GLRA3: variants seen among roughly 807,000 people sequenced by gnomAD.
The protein encoded by GLRA3 is glycine receptor alpha 3.
GLRA3 carries 44 observed loss-of-function variants against 60.4 expected under a neutral mutation model. The ratio of observed to expected loss-of-function variants is 0.73; its 90% CI spans 0.57 to 0.94. The LOEUF is 0.94. GLRA3 is among the 40% of genes least tolerant of loss of function. The pLI is 0.00. For synonymous variants in GLRA3, 223 were observed against 192.9 expected (o/e 1.16, Z -1.29); for missense variants, 508 against 564.6 (o/e 0.90, Z 1.02).
At chr4:174,688,667 G>T (rs1734654560) in intron 5 of GLRA3, among the ~76,000 whole-genome samples, 2 of 150,570 alleles carry the variant, frequency 1.3e-5, no homozygotes, top group Non-Finnish European at 3.0e-5. Flanking sequence ...GAAGATGCAG[G>T]TGTTGAGCCT....
Position 174,728,691 on chromosome 4 carries a change from C to T in GLRA3, c.275G>A (p.Arg92Lys), listed in dbSNP as rs531222242. 21 of 1,544,294 alleles carry T rather than the reference C, an allele frequency of 1.4e-5. No individual in the cohort carries two copies. The highest frequency in any genetic ancestry group is 2.3e-5 in the South Asian group (2 of 85,346). The change falls in exon 4 of 10, where the codon AGA becomes AAA. Residue 92 changes from arginine (R) to lysine (K), a missense_variant. By Grantham distance (26) the Arg-to-Lys change is conservative (BLOSUM62 2). Coordinates refer to ENST00000274093, the MANE Select transcript of GLRA3 (RefSeq NM_006529.4). ...GSIAETTMDY[R>K]VNIFLRQKWN... ...TTTCTGACGAAGAAAGATATTCACT[C>T]TGTAATCCTATGATAAAATAATGAA...
chr4:174,748,236 G>C (rs1737326753), intron 3 of GLRA3, among the ~76,000 whole-genome samples: 1 of 152,170 alleles, frequency 6.6e-6, no homozygotes, highest in South Asian at 2.1e-4. Flanking sequence ...AAGTAAGACA[G>C]TTTTCAAGAG....
intron 1 of GLRA3, among the ~76,000 whole-genome samples, chr4:174,818,635 C>T (rs1037056969): frequency 1.3e-5 from 2 of 152,118 alleles, no homozygotes; most frequent in Non-Finnish European, 2.9e-5. Flanking sequence ...ATTTTAGAAT[C>T]TTTTCAACTG....
intron 8 of GLRA3, 34 bp from the exon 9 acceptor site, chr4:174,656,821 A>G (rs995676169): frequency 6.5e-6 from 8 of 1,229,532 alleles, no homozygotes; most frequent in East Asian, 2.3e-5. Flanking sequence ...AGAGGAATTG[A>G]GAAACCAGAG....
At chr4:174,762,340 A>G (rs1413035739) in intron 3 of GLRA3, among the ~76,000 whole-genome samples, 1 of 152,014 alleles carries the variant, frequency 6.6e-6, no homozygotes, top group African/African-American at 2.4e-5. Context: ...AGTTTTTCTT[A>G]AAAGTTTGAC....
chr4:174,742,579 C>T (rs1737068817), intron 3 of GLRA3, among the ~76,000 whole-genome samples: 1 of 152,116 alleles, frequency 6.6e-6, no homozygotes, highest in South Asian at 2.1e-4. Flanking sequence ...TCTCTCTCTC[C>T]TTTGTTTCTG....
At chr4:174,757,197 CA>C (rs1284916830) in intron 3 of GLRA3, among the ~76,000 whole-genome samples, 1 of 152,054 alleles carries the variant, frequency 6.6e-6, no homozygotes, top group African/African-American at 2.4e-5. Flanking sequence ...GAGAATATGT[CA>C]ATATTGCAAA....
At chr4:174,794,964 T>C (rs1213249005) in intron 1 of GLRA3, among the ~76,000 whole-genome samples, 5 of 151,790 alleles carry the variant, frequency 3.3e-5, no homozygotes, top group Admixed American at 6.6e-5. Context: ...GTTATTGACA[T>C]GTTCCAAAGA....
chr4:174,664,092 T>C (rs1331877938), intron 7 of GLRA3, among the ~76,000 whole-genome samples: 1 of 152,214 alleles, frequency 6.6e-6, no homozygotes, highest in Non-Finnish European at 1.5e-5. Flanking sequence ...CCATGGCTTC[T>C]GTGACCTGTG....
At position 174,643,262 on chromosome 4, in the gene GLRA3, CAT is replaced by C. The variant is rs36188497; in HGVS notation, c.*522_*523del. ...TCTTATTTAAAAATTTTCAAAATTA[CAT>C]ATGTTGTTTAAATAGTATTTATATG... On this transcript the variant is annotated 3_prime_UTR_variant, in exon 10 of 10. Coordinates refer to ENST00000274093, the MANE Select transcript of GLRA3 (RefSeq NM_006529.4). The C allele has an allele frequency of 0.13, 85,469 of 647,586 alleles. 6,592 individuals carry two copies. The highest frequency in any genetic ancestry group is 0.37 in the East Asian group (2,621 of 7,076). The allele number at this position is 647,586 out of a possible 1,614,324, so 40.1% of individuals were successfully genotyped here.
intron 3 of GLRA3, among the ~76,000 whole-genome samples, chr4:174,730,464 T>G (rs1736509902): frequency 6.6e-6 from 1 of 152,220 alleles, no homozygotes. Context: ...TTTGTACTGA[T>G]TTATAAGATA....
chr4:174,748,005 C>T (rs1292496337), intron 3 of GLRA3, among the ~76,000 whole-genome samples: 1 of 151,800 alleles, frequency 6.6e-6, no homozygotes, highest in African/African-American at 2.4e-5. Context: ...TGGGCTATAG[C>T]TATTGACTGG....
At chr4:174,672,020 G>T (rs1307910212) in intron 7 of GLRA3, among the ~76,000 whole-genome samples, 2 of 152,110 alleles carry the variant, frequency 1.3e-5, no homozygotes, top group East Asian at 3.9e-4. Flanking sequence ...ATTGAGAAAG[G>T]TAAAAGGTTC....
Position 174,761,029 on chromosome 4 carries a change from A to G in GLRA3, c.267+5934T>C, listed in dbSNP as rs74853794. Among the ~76,000 whole-genome samples, 225 of 152,280 alleles carry G rather than the reference A, an allele frequency of 1.5e-3. 6 individuals are homozygous for G. The East Asian group carries it at 0.028, about 19-fold the overall frequency. On this transcript the variant is annotated intron_variant, in intron 3 of 9. Transcript: ENST00000274093. ...TTTCATACATACAGAATGAACATTT[A>G]TATCTTAATATCAAACTCAGGAATA...
In GLRA3 at chr4:174,778,796, C is replaced by T. The variant is rs549837481; in HGVS notation, c.199+10020G>A. Among the ~76,000 whole-genome samples the T allele has an allele frequency of 4.6e-5, 7 of 152,282 alleles. No individual in the cohort carries two copies. In the South Asian group the frequency reaches 8.3e-4, roughly 18 times the overall value. ...AAAAACGGCGCACCACGAGGTTATA[C>T]CCCGCACCTGGCTTGGAGGGTCCTA... On this transcript the variant is annotated intron_variant, in intron 2 of 9. Transcript: ENST00000274093.
intron 5 of GLRA3, among the ~76,000 whole-genome samples, chr4:174,691,582 C>G (rs931916280): frequency 6.6e-6 from 1 of 152,192 alleles, no homozygotes; most frequent in Non-Finnish European, 1.5e-5. Flanking sequence ...TTGGTGGAGA[C>G]GGGGTTTCGC....
At chr4:174,669,161 A>C (rs1733805140) in intron 7 of GLRA3, among the ~76,000 whole-genome samples, 1 of 151,986 alleles carries the variant, frequency 6.6e-6, no homozygotes, top group African/African-American at 2.4e-5. Flanking sequence ...TTAATCCTAC[A>C]TTTCTCCTTA....
rs1230241226 is a variant in GLRA3 at position 174,637,338 on chromosome 4, T to C, written c.*6448A>G. 1.3e-5 allele frequency: 2 copies of C among 152,148 alleles called. No individual in the cohort carries two copies. Among genetic ancestry groups the C allele is most frequent in the Admixed American group, 6.6e-5 (1 of 15,264 alleles). The allele number at this position is 152,148 out of a possible 1,614,324, so 9.4% of individuals were successfully genotyped here. A position where few individuals can be genotyped will look rare whatever the true frequency, so the allele number is the denominator to read the frequency against. On this transcript the variant is annotated 3_prime_UTR_variant, in exon 10 of 10. Coordinates refer to ENST00000274093, the MANE Select transcript of GLRA3 (RefSeq NM_006529.4). ...TCTTTTTGTTTTGTTTTTCATAGCATATCATATTATATCTGTAGAATGTCA... is the reference window on the plus strand; with the variant it reads ...TCTTTTTGTTTTGTTTTTCATAGCACATCATATTATATCTGTAGAATGTCA...
intron 1 of GLRA3, among the ~76,000 whole-genome samples, chr4:174,798,646 T>C (rs376456794): frequency 1.7e-3 from 264 of 152,274 alleles, no homozygotes; most frequent in African/African-American, 3.5e-3. Context: ...CTTTTAAGGC[T>C]GGGCGCGGTG....
Sources: gnomAD v4.1 joint callset for allele counts (sites outside exome capture counted in the v4.1 genomes callset) on GRCh38, gnomAD v4.1.1 for gene constraint, MANE v1.5 for transcripts, NCBI Gene and HGNC (gene_info 2026-07-23, HGNC 2026-07-21) for gene names.